NEGR1: variants seen among roughly 807,000 people sequenced by gnomAD.
NEGR1 encodes IgLON family member 4.
In NEGR1, 10 loss-of-function variants were observed where a neutral mutation model predicts 40.9. The ratio of observed to expected loss-of-function variants is 0.24; its 90% CI spans 0.15 to 0.42. The LOEUF (loss-of-function observed/expected upper bound fraction) is 0.42. NEGR1 is among the 10% of genes least tolerant of loss of function. NEGR1 has a pLI of 1.00. For synonymous variants in NEGR1, 185 were observed against 166.8 expected, an observed-to-expected ratio of 1.11 and a Z score of -0.84; for missense variants, 352 against 438.9, an observed-to-expected ratio of 0.80 and a Z score of 1.77.
At chr1:72,008,822 T>C (rs189239793) in intron 1 of NEGR1, among the ~76,000 whole-genome samples, 2 of 152,076 alleles carry the variant, frequency 1.3e-5, no homozygotes, top group African/African-American at 2.4e-5. Flanking sequence ...TTCATTAGAA[T>C]GACCCATAGC....
At chr1:72,203,854 T>C (rs776456522) in intron 1 of NEGR1, among the ~76,000 whole-genome samples, 1 of 152,164 alleles carries the variant, frequency 6.6e-6, no homozygotes, top group African/African-American at 2.4e-5. Context: ...TTATGACTTA[T>C]TGAAGGCTCA....
intron 3 of NEGR1, among the ~76,000 whole-genome samples, chr1:71,729,501 C>T (rs1296927488): frequency 3.3e-5 from 5 of 151,978 alleles, no homozygotes. Flanking sequence ...TATTTGTATC[C>T]CATGCTTTGG....
chr1:72,018,408 C>T (rs1646730141), intron 1 of NEGR1, among the ~76,000 whole-genome samples: 1 of 152,076 alleles, frequency 6.6e-6, no homozygotes, highest in Non-Finnish European at 1.5e-5. Flanking sequence ...CTAGGATTCC[C>T]CTATCCCTAC....
intron 2 of NEGR1, among the ~76,000 whole-genome samples, chr1:71,823,733 A>C (rs765802937): frequency 6.6e-6 from 1 of 152,026 alleles, no homozygotes; most frequent in Non-Finnish European, 1.5e-5. Context: ...TATATCCTTA[A>C]GAAAAGCCTG....
intron 2 of NEGR1, among the ~76,000 whole-genome samples, chr1:71,932,869 G>A (rs1645868264): frequency 6.6e-6 from 1 of 152,078 alleles, no homozygotes; most frequent in Admixed American, 6.6e-5. Context: ...GAGAAGAAAT[G>A]TAGCTTAAGT....
intron 6 of NEGR1, among the ~76,000 whole-genome samples, chr1:71,483,495 C>A (rs1193766759): frequency 6.6e-6 from 1 of 151,724 alleles, no homozygotes; most frequent in Admixed American, 6.6e-5. Context: ...AATGACTGAA[C>A]TGCACTCCAA....
intron 1 of NEGR1, among the ~76,000 whole-genome samples, chr1:72,095,987 C>G (rs1055052246): frequency 1.3e-5 from 2 of 151,824 alleles, no homozygotes; most frequent in Non-Finnish European, 2.9e-5. Context: ...TTTTTTTAAG[C>G]TTTGATCCAA....
At position 72,192,702 on chromosome 1, in the gene NEGR1, G is replaced by T. The variant is rs910521676; in HGVS notation, c.176+89617C>A. Among the ~76,000 whole-genome samples, 7 of 151,784 alleles carry T rather than the reference G, an allele frequency of 4.6e-5. No homozygotes were observed. The South Asian group carries it at 1.4e-3, about 31-fold the overall frequency. ...TGTATTACCACTATTATATCAAATT[G>T]CATATTGCCAGATTAGAATGGTGGG... On this transcript the variant is annotated intron_variant, in intron 1 of 6. Coordinates refer to ENST00000357731, the MANE Select transcript of NEGR1 (RefSeq NM_173808.3).
At chr1:71,537,646 A>G (rs1229902375) in intron 6 of NEGR1, among the ~76,000 whole-genome samples, 3 of 151,754 alleles carry the variant, frequency 2.0e-5, no homozygotes, top group Non-Finnish European at 2.9e-5. Flanking sequence ...CCATAGAGGG[A>G]CAACTCGTCT....
chr1:71,538,934 A>T (rs571940095), intron 6 of NEGR1, among the ~76,000 whole-genome samples: 3 of 151,836 alleles, frequency 2.0e-5, no homozygotes, highest in African/African-American at 7.2e-5. Context: ...TTTTTCTTAT[A>T]CATTACTAAT....
chr1:71,775,491 A>G (rs1195557952), intron 3 of NEGR1, among the ~76,000 whole-genome samples: 2 of 151,552 alleles, frequency 1.3e-5, no homozygotes, highest in African/African-American at 4.8e-5. Flanking sequence ...GATTACAGGC[A>G]TGCACCACCA....
chr1:71,621,329 A>G lies in NEGR1; in HGVS notation c.668-10183T>C, dbSNP rs1169072554. Among the ~76,000 whole-genome samples, 3 of 151,836 alleles carry G rather than the reference A, an allele frequency of 2.0e-5. No individual in the cohort carries two copies. In the East Asian group the frequency reaches 5.8e-4, roughly 29 times the overall value. On this transcript the variant is annotated intron_variant, in intron 4 of 6. Transcript: ENST00000357731. Reference sequence around the variant, plus strand: ...ACAAGAAATAAGAGGCTTGGGTTCAATGTGAAAAAATGTGAAAAGTGTATG... The same window carrying G: ...ACAAGAAATAAGAGGCTTGGGTTCAGTGTGAAAAAATGTGAAAAGTGTATG...
At chr1:72,253,257 C>G (rs919323183) in intron 1 of NEGR1, among the ~76,000 whole-genome samples, 1 of 152,108 alleles carries the variant, frequency 6.6e-6, no homozygotes, top group South Asian at 2.1e-4. Context: ...CATTCTCTCT[C>G]TTTTGGAAAT....
intron 6 of NEGR1, among the ~76,000 whole-genome samples, chr1:71,503,265 T>C (rs1335154121): frequency 2.0e-5 from 3 of 152,100 alleles, no homozygotes; most frequent in Non-Finnish European, 4.4e-5. Flanking sequence ...AATAATAAAA[T>C]CCCATCCTCA....
intron 6 of NEGR1, among the ~76,000 whole-genome samples, chr1:71,464,975 G>A (rs188079015): frequency 2.1e-3 from 320 of 152,208 alleles, no homozygotes; most frequent in African/African-American, 7.3e-3. Context: ...CTTCAGAAAC[G>A]TATTAAAGAT....
chr1:71,700,740 A>G (rs1014411344), intron 3 of NEGR1, among the ~76,000 whole-genome samples: 1 of 152,014 alleles, frequency 6.6e-6, no homozygotes, highest in Non-Finnish European at 1.5e-5. Flanking sequence ...AGGTCCCCCA[A>G]AGTTATTCAC....
intron 3 of NEGR1, among the ~76,000 whole-genome samples, chr1:71,706,177 G>A (rs1190756072): frequency 1.3e-5 from 2 of 152,222 alleles, no homozygotes; most frequent in African/African-American, 4.8e-5. Context: ...GACGCTGGGG[G>A]AGGGAGACCA....
intron 4 of NEGR1, among the ~76,000 whole-genome samples, chr1:71,621,875 G>A (rs1295147380): frequency 1.3e-5 from 2 of 151,854 alleles, no homozygotes; most frequent in Non-Finnish European, 1.5e-5. Flanking sequence ...TTGATGATGA[G>A]TATGCACATG....
intron 6 of NEGR1, among the ~76,000 whole-genome samples, chr1:71,568,838 G>C (rs1337720570): frequency 3.4e-5 from 5 of 149,138 alleles, no homozygotes; most frequent in Non-Finnish European, 5.9e-5. Flanking sequence ...ACGTGTGTGT[G>C]TGTGTGTGTG....
Sources: allele counts gnomAD v4.1 joint callset (sites outside exome capture counted in the v4.1 genomes callset), GRCh38; gene constraint gnomAD v4.1.1; transcripts MANE v1.5; gene names NCBI Gene and HGNC (gene_info 2026-07-23, HGNC 2026-07-21).